CSMD1: variants seen among roughly 807,000 people sequenced by gnomAD.
The protein encoded by CSMD1 is CUB and Sushi multiple domains 1.
In CSMD1, 213 loss-of-function variants were observed where a neutral mutation model predicts 417.5. That is an observed-to-expected ratio of 0.51 (90% CI 0.46 to 0.57). The LOEUF is 0.57. Ranked by LOEUF, CSMD1 falls within the 20% of genes least tolerant of loss-of-function variation. The probability of loss-of-function intolerance (pLI) is 0.00; values close to 1 mark genes in which losing one functional copy is unlikely to be tolerated. For missense variants in CSMD1, 6,923 were observed against 4,529.7 expected, an observed-to-expected ratio of 1.53 and a Z score of -15.17; for synonymous variants, 2,862 against 1,736.8, an observed-to-expected ratio of 1.65 and a Z score of -16.11.
intron 2 of CSMD1, among the ~76,000 whole-genome samples, chr8:4,438,192 G>C (rs1386189078): frequency 1.3e-5 from 2 of 152,094 alleles, no homozygotes; most frequent in South Asian, 2.1e-4. Context: ...CATAAACATT[G>C]AGATCGATCT....
chr8:4,713,576 T>C (rs1266741515), intron 1 of CSMD1, among the ~76,000 whole-genome samples: 3 of 152,082 alleles, frequency 2.0e-5, no homozygotes, highest in Admixed American at 6.6e-5. Flanking sequence ...TAATTTTTTA[T>C]TTTTAGTAGA....
At chr8:4,394,660 T>C (rs1039203027) in intron 3 of CSMD1, among the ~76,000 whole-genome samples, 42 of 144,190 alleles carry the variant, frequency 2.9e-4, no homozygotes, top group African/African-American at 9.3e-4. Context: ...GAATTTCTCC[T>C]TTCTTTCCCT....
At chr8:3,409,657 T>G (rs758420344) in intron 12 of CSMD1, 52 bp from the exon 13 acceptor site, 6 of 1,406,402 alleles carry the variant, frequency 4.3e-6, no homozygotes, top group Non-Finnish European at 5.7e-6. Context: ...CAAGGAATAT[T>G]TTTATCTCTA....
At chr8:3,104,279 C>T (rs952663198) in intron 46 of CSMD1, among the ~76,000 whole-genome samples, 1 of 152,144 alleles carries the variant, frequency 6.6e-6, no homozygotes, top group Admixed American at 6.6e-5. Flanking sequence ...CATAAATAGA[C>T]CATTGTTGCT....
At chr8:4,959,135 G>A (rs950998234) in intron 1 of CSMD1, among the ~76,000 whole-genome samples, 6 of 152,166 alleles carry the variant, frequency 3.9e-5, no homozygotes, top group African/African-American at 7.2e-5. Context: ...GGTTATATGA[G>A]AATTTGGAAA....
chr8:4,552,026 T>C (rs1228511117), intron 2 of CSMD1, among the ~76,000 whole-genome samples: 1 of 152,098 alleles, frequency 6.6e-6, no homozygotes, highest in Non-Finnish European at 1.5e-5. Flanking sequence ...TAGAAGTAGC[T>C]TTAACAGTTT....
At chr8:3,775,625 A>T (rs1384893876) in intron 5 of CSMD1, among the ~76,000 whole-genome samples, 5 of 152,326 alleles carry the variant, frequency 3.3e-5, no homozygotes, top group African/African-American at 1.2e-4. Context: ...GTTGGGACTC[A>T]TGTGCTCCTG....
At chr8:4,211,317 T>C (rs1419829712) in intron 3 of CSMD1, among the ~76,000 whole-genome samples, 1 of 152,334 alleles carries the variant, frequency 6.6e-6, no homozygotes, top group East Asian at 1.9e-4. Context: ...CTGCTATCAT[T>C]ATATCCAACT....
chr8:4,826,428 T>A (rs879355265), intron 1 of CSMD1, among the ~76,000 whole-genome samples: 1 of 152,192 alleles, frequency 6.6e-6, no homozygotes. Context: ...TTGCGCTAAC[T>A]GAAATAAGCT....
intron 6 of CSMD1, among the ~76,000 whole-genome samples, chr8:3,751,928 T>A (rs937225554): frequency 6.6e-6 from 1 of 152,202 alleles, no homozygotes; most frequent in Non-Finnish European, 1.5e-5. Flanking sequence ...GACTATAGGA[T>A]CAGTCCATTG....
intron 2 of CSMD1, among the ~76,000 whole-genome samples, chr8:4,610,913 T>A (rs1585327718): frequency 6.6e-6 from 1 of 152,242 alleles, no homozygotes; most frequent in South Asian, 2.1e-4. Context: ...TGAGGAGTTA[T>A]AATGACATAA....
At chr8:4,525,469 T>A (rs904489654) in intron 2 of CSMD1, among the ~76,000 whole-genome samples, 7 of 152,144 alleles carry the variant, frequency 4.6e-5, no homozygotes, top group African/African-American at 1.7e-4. Flanking sequence ...ATTATGCAGA[T>A]AACACATTGA....
intron 1 of CSMD1, among the ~76,000 whole-genome samples, chr8:4,710,378 GTAAA>G (rs1197993142): frequency 6.8e-6 from 1 of 146,732 alleles, no homozygotes; most frequent in Admixed American, 6.8e-5. Flanking sequence ...AACATATGAA[GTAAA>G]TAAAAATATA....
intron 11 of CSMD1, among the ~76,000 whole-genome samples, chr8:3,470,415 T>G (rs1392394659): frequency 2.0e-5 from 3 of 152,218 alleles, no homozygotes; most frequent in African/African-American, 7.2e-5. Context: ...AGAGATTACA[T>G]GTATTATTTA....
At chr8:4,932,793 A>T (rs577447945) in intron 1 of CSMD1, among the ~76,000 whole-genome samples, 28 of 152,344 alleles carry the variant, frequency 1.8e-4, no homozygotes, top group African/African-American at 6.3e-4. Flanking sequence ...TTAAATATTC[A>T]ATAGAGTTTT....
At chr8:3,828,006 G>T (rs917152415) in intron 5 of CSMD1, among the ~76,000 whole-genome samples, 1 of 152,096 alleles carries the variant, frequency 6.6e-6, no homozygotes, top group East Asian at 1.9e-4. Context: ...CTCATGCATG[G>T]CAAGACTTTA....
chr8:3,924,328 G>C (rs1005386407), intron 5 of CSMD1, among the ~76,000 whole-genome samples: 2 of 152,108 alleles, frequency 1.3e-5, no homozygotes, highest in Non-Finnish European at 2.9e-5. Flanking sequence ...ACTTTTGACA[G>C]TTTAAAGTGT....
intron 1 of CSMD1, among the ~76,000 whole-genome samples, chr8:4,913,389 A>G (rs1056431565): frequency 1.3e-5 from 2 of 152,056 alleles, no homozygotes; most frequent in African/African-American, 4.8e-5. Context: ...CTTTTTCTTG[A>G]TTGTTTTCCT....
chr8:4,050,048 G>A (rs1312791146), intron 3 of CSMD1, among the ~76,000 whole-genome samples: 1 of 152,158 alleles, frequency 6.6e-6, no homozygotes, highest in East Asian at 1.9e-4. Context: ...TCTGTGGAAT[G>A]TCCCTCCTGT....
Sources: allele counts gnomAD v4.1 joint callset (sites outside exome capture counted in the v4.1 genomes callset), GRCh38; gene constraint gnomAD v4.1.1; transcripts MANE v1.5; gene names NCBI Gene and HGNC (gene_info 2026-07-23, HGNC 2026-07-21).